The following YES1 variants were observed in gnomAD, a reference collection of about 807,000 sequenced individuals.
The protein encoded by YES1 is YES proto-oncogene 1, Src family tyrosine kinase.
YES1 carries 39 observed loss-of-function variants against 70.4 expected under a neutral mutation model. The observed-to-expected ratio is 0.55, with a 90% CI of 0.43 to 0.72. The LOEUF (loss-of-function observed/expected upper bound fraction) is 0.72. YES1 is among the 30% of genes least tolerant of loss of function. The pLI, the probability that YES1 is intolerant of heterozygous loss-of-function variation, is 0.00. For missense variants in YES1, 495 were observed against 644.8 expected (o/e 0.77, Z 2.52); for synonymous variants, 198 against 218.6 (o/e 0.91, Z 0.83).
chr18:803,619 T>C (rs1423431416), intron 1 of YES1, among the ~76,000 whole-genome samples: 1 of 152,188 alleles, frequency 6.6e-6, no homozygotes, highest in Non-Finnish European at 1.5e-5. Flanking sequence ...TTTCTGTACT[T>C]AAATTAAGCT....
At chr18:771,450 A>C (rs550358752) in intron 1 of YES1, among the ~76,000 whole-genome samples, 1 of 152,330 alleles carries the variant, frequency 6.6e-6, no homozygotes, top group South Asian at 2.1e-4. Context: ...TAACAGATAA[A>C]ATATTTATTC....
At chr18:741,034 A>C (rs952758994) in intron 8 of YES1, among the ~76,000 whole-genome samples, 1 of 152,068 alleles carries the variant, frequency 6.6e-6, no homozygotes, top group African/African-American at 2.4e-5. Context: ...AGCAGCTGGA[A>C]CTACAGGCAC....
At chr18:787,136 G>A (rs1434572591) in intron 1 of YES1, among the ~76,000 whole-genome samples, 1 of 109,676 alleles carries the variant, frequency 9.1e-6, no homozygotes, top group African/African-American at 3.5e-5. Context: ...TCGCTCTGTG[G>A]CCCAGGCTGG....
intron 1 of YES1, among the ~76,000 whole-genome samples, chr18:770,334 A>G (rs776838526): frequency 1.1e-4 from 16 of 151,270 alleles, no homozygotes; most frequent in South Asian, 2.1e-4. Context: ...TGAGTGATCA[A>G]CAAGGACTTT....
At chr18:800,621 G>A (rs1906771104) in intron 1 of YES1, among the ~76,000 whole-genome samples, 1 of 152,184 alleles carries the variant, frequency 6.6e-6, no homozygotes, top group Non-Finnish European at 1.5e-5. Context: ...AGCCAAAGAA[G>A]AAAAGGCTAC....
chr18:797,633 T>G (rs139988031), intron 1 of YES1, among the ~76,000 whole-genome samples: 1 of 152,208 alleles, frequency 6.6e-6, no homozygotes, highest in African/African-American at 2.4e-5. Flanking sequence ...TCTAAACAAC[T>G]GTTAAAAATT....
At position 794,254 on chromosome 18, in the gene YES1, C is replaced by G. The variant is rs1415526093; in HGVS notation, c.-9+17860G>C. The stretch of plus-strand genomic sequence containing the variant: ...AACATAATAGCCTTTAAGTGGTACT[C>G]CTGCCTCAAATTCATAATCTAAATC... On this transcript the variant is annotated intron_variant, in intron 1 of 11. Transcript: ENST00000314574. Among the ~76,000 whole-genome samples, 6 of 152,252 alleles carry G rather than the reference C, an allele frequency of 3.9e-5. No homozygotes were observed. The East Asian group carries it at 1.2e-3, about 29-fold the overall frequency.
At chr18:726,781 C>CAAAAAAAAAAAAAA (rs58322434) in intron 11 of YES1, among the ~76,000 whole-genome samples, 5 of 47,250 alleles carry the variant, frequency 1.1e-4, no homozygotes, top group African/African-American at 2.6e-4. Flanking sequence ...ACTCTTGTCT[C>CAAAAAAAAAAAAAA]AAAAAAAAAA....
rs182594090 is a variant in YES1, at chr18:739,825, C to T, written c.1061-14G>A. The stretch of plus-strand genomic sequence containing the variant: ...CTAATAAGCTTCCTGTAACAGACAG[C>T]AAGATATTCATAAAAAATAAGCAAA... On this transcript the variant is annotated splice_polypyrimidine_tract_variant and intron_variant, in intron 8 of 11. Coordinates refer to ENST00000314574, the MANE Select transcript of YES1 (RefSeq NM_005433.4). 392 of 1,591,330 alleles carry T rather than the reference C, an allele frequency of 2.5e-4. 1 individual carries two copies. In the East Asian group the frequency reaches 8.6e-3, roughly 35 times the overall value.
rs2079957175 is a variant in YES1, at chr18:721,959, G to T, written c.*2465C>A. On this transcript the variant is annotated 3_prime_UTR_variant, in exon 12 of 12. Transcript: ENST00000314574. ...AAAATATCTCCAAATTTACAAAGTTGTTTTTCTTGGCAATTTAAAAATACA... is the reference window on the plus strand; with the variant it reads ...AAAATATCTCCAAATTTACAAAGTTTTTTTTCTTGGCAATTTAAAAATACA... 6.6e-6 allele frequency: 1 copy of T among 152,450 alleles called. No homozygotes were observed. Among genetic ancestry groups the T allele is most frequent in the South Asian group, 2.1e-4 (1 of 4,824 alleles). The allele number at this position is 152,450 out of a possible 1,614,324, so 9.4% of individuals were successfully genotyped here.
intron 2 of YES1, among the ~76,000 whole-genome samples, chr18:754,395 G>C: frequency 6.6e-6 from 1 of 151,996 alleles, no homozygotes; most frequent in Admixed American, 6.6e-5. Flanking sequence ...ACATAGGTGG[G>C]TCATTCTCAC....
At chr18:776,071 T>A (rs745416021) in intron 1 of YES1, among the ~76,000 whole-genome samples, 1 of 152,208 alleles carries the variant, frequency 6.6e-6, no homozygotes, top group Non-Finnish European at 1.5e-5. Flanking sequence ...AACCTTGCAA[T>A]AGATTGCTGG....
chr18:732,375 T>C (rs1332559155), intron 11 of YES1, among the ~76,000 whole-genome samples: 2 of 144,620 alleles, frequency 1.4e-5, no homozygotes, highest in Admixed American at 7.1e-5. Flanking sequence ...GGGAGACAGG[T>C]TGCAGTGAGC....
intron 1 of YES1, among the ~76,000 whole-genome samples, chr18:811,091 TA>T (rs759141008): frequency 2.6e-4 from 39 of 152,332 alleles, no homozygotes; most frequent in Non-Finnish European, 4.6e-4. Flanking sequence ...ATTATCAAGG[TA>T]TCTTTGGCAC....
chr18:733,782 CAAAAAAAAAAAA>C (rs71174280), intron 10 of YES1, among the ~76,000 whole-genome samples: 2 of 59,242 alleles, frequency 3.4e-5, no homozygotes, highest in African/African-American at 6.1e-5. Flanking sequence ...GACTCCGTCT[CAAAAAAAAAAAA>C]AAAAAAAAAA....
Position 724,585 on chromosome 18 carries a change from T to A in YES1, c.1471A>T (p.Met491Leu). The change falls in exon 12 of 12, where the codon ATG (methionine) becomes TTG (leucine). Residue 491 changes from methionine to leucine, a missense_variant. This residue lies in a region of YES1 where 385 missense variants were observed against 540.9 expected (regional missense o/e 0.71). Coordinates refer to ENST00000314574, the MANE Select transcript of YES1 (RefSeq NM_005433.4). ...TCTGGACAGCCCTGAGGGCACGGCA[T>A]CCTGTATCCTCGCTCCACTTGTTCT... ...VLEQVERGYR[M>L]PCPQGCPESL... 7 of 1,614,158 alleles carry A rather than the reference T, an allele frequency of 4.3e-6. No homozygotes were observed. Among genetic ancestry groups the A allele is most frequent in the Non-Finnish European group, 5.9e-6 (7 of 1,180,022 alleles).
At chr18:770,173 T>C (rs957046274) in intron 1 of YES1, among the ~76,000 whole-genome samples, 1 of 152,052 alleles carries the variant, frequency 6.6e-6, no homozygotes, top group African/African-American at 2.4e-5. Flanking sequence ...TTAGCCAGGA[T>C]TGTCTTGATC....
intron 1 of YES1, among the ~76,000 whole-genome samples, chr18:795,834 T>C (rs770784175): frequency 1.7e-4 from 26 of 151,336 alleles, no homozygotes; most frequent in South Asian, 4.2e-4. Context: ...GACGGGTTGA[T>C]AGGTGAAGCA....
intron 1 of YES1, among the ~76,000 whole-genome samples, chr18:784,479 C>G (rs959221741): frequency 2.6e-5 from 4 of 152,216 alleles, no homozygotes; most frequent in Admixed American, 2.0e-4. Context: ...GCTGCTACAA[C>G]AAATTACCAC....
Sources: gnomAD v4.1 joint callset for allele counts (sites outside exome capture counted in the v4.1 genomes callset) on GRCh38, gnomAD v4.1.1 for gene constraint, gnomAD v4.1.1 regional missense constraint, MANE v1.5 for transcripts, NCBI Gene and HGNC (gene_info 2026-07-23, HGNC 2026-07-21) for gene names.